The following ZNF655 variants were observed in gnomAD, a reference collection of about 807,000 sequenced individuals.
ZNF655 encodes zinc finger protein 655, also known as Vav-interacting Kruppel-like protein 1.
ZNF655 carries 3 observed loss-of-function variants against 6.6 expected under a neutral mutation model. That is an observed-to-expected ratio of 0.46 (90% CI 0.21 to 1.18). ZNF655 has a LOEUF of 1.18. ZNF655 is among the 50% of genes most tolerant of loss of function. The pLI, the probability that ZNF655 is intolerant of heterozygous loss-of-function variation, is 0.24. For missense variants in ZNF655, 526 were observed against 572.3 expected, an observed-to-expected ratio of 0.92 and a Z score of 0.83; for synonymous variants, 178 against 195.0, an observed-to-expected ratio of 0.91 and a Z score of 0.73.
rs1385043507 is a variant in ZNF655, at chr7:99,573,827, A to G, written c.*243A>G. The G allele has an allele frequency of 2.1e-6, 1 of 474,120 alleles. No homozygotes were observed. The highest frequency in any genetic ancestry group is 2.0e-5 in the African/African-American group (1 of 51,036). 29.4% of individuals were successfully genotyped at this position (474,120 alleles called of 1,614,324 possible). A position where few individuals can be genotyped will look rare whatever the true frequency, so the allele number is the denominator to read the frequency against. ...AATCTATACCAGTGAGAAATCTTAC[A>G]AATGTATTGAATGTGGCAAATTTTT... On this transcript the variant is annotated 3_prime_UTR_variant, in exon 3 of 3. Coordinates refer to ENST00000252713, the MANE Select transcript of ZNF655 (RefSeq NM_138494.3).
intron 1 of ZNF655, among the ~76,000 whole-genome samples, chr7:99,560,088 CTT>C (rs201559591): frequency 1.7e-4 from 23 of 136,818 alleles, no homozygotes; most frequent in South Asian, 7.0e-4. Flanking sequence ...TCTTTTTTTT[CTT>C]TTTTTTTTTT....
rs1382727454 is a variant in ZNF655 at position 99,572,298 on chromosome 7, G to A, written c.190G>A (p.Glu64Lys). The part of the protein sequence containing the change: ...KLLIPKQKIS[E>K]EVHSYKVRVG... Reference sequence around the variant, plus strand: ...GTTGATTCCTAAGCAGAAAATTTCGGAAGAAGTGCATTCATACAAAGTGAG... The same window carrying A: ...GTTGATTCCTAAGCAGAAAATTTCGAAAGAAGTGCATTCATACAAAGTGAG... Residue 64 changes from glutamate to lysine, a missense_variant, in exon 3 of 3, where the codon GAA becomes AAA. Coordinates refer to ENST00000252713, the MANE Select transcript of ZNF655 (RefSeq NM_138494.3). 1 of 1,612,130 alleles carries A rather than the reference G, an allele frequency of 6.2e-7. No homozygotes were observed.
At chr7:99,563,418 A>G (rs563093427) in intron 2 of ZNF655, among the ~76,000 whole-genome samples, 3 of 152,278 alleles carry the variant, frequency 2.0e-5, no homozygotes, top group Admixed American at 1.3e-4. Context: ...TTCCAGGTTC[A>G]AGCGATTCTC....
In ZNF655 at chr7:99,576,116, A is replaced by G. The variant is rs1804380990; in HGVS notation, c.*2532A>G. On this transcript the variant is annotated 3_prime_UTR_variant, in exon 3 of 3. Coordinates refer to ENST00000252713, the MANE Select transcript of ZNF655 (RefSeq NM_138494.3). ...ATAAAAATATGTTGCTCACTCTATA[A>G]TCCTCCTATGGCTAACCTCTAGGAT... is the stretch of plus-strand genomic sequence containing the variant. 6.6e-6 allele frequency: 1 copy of G among 152,276 alleles called. No individual in the cohort carries two copies. Among genetic ancestry groups the G allele is most frequent in the African/African-American group, 2.4e-5 (1 of 41,442 alleles). The allele number at this position is 152,276 out of a possible 1,614,324, so 9.4% of individuals were successfully genotyped here.
intron 2 of ZNF655, among the ~76,000 whole-genome samples, chr7:99,568,407 C>G (rs1026587511): frequency 1.3e-5 from 2 of 151,496 alleles, no homozygotes; most frequent in Non-Finnish European, 1.5e-5. Flanking sequence ...CCCGCCATCA[C>G]GCCCGGCTAA....
chr7:99,571,147 G>A (rs1804036433), intron 2 of ZNF655: 2 of 956,470 alleles, frequency 2.1e-6, no homozygotes, highest in Middle Eastern at 2.6e-4. Context: ...CACTCCTAAT[G>A]GGTAAGAATG....
intron 2 of ZNF655, 133 bp downstream of exon 2, chr7:99,560,828 G>A (rs1803086422): frequency 1.5e-5 from 17 of 1,139,290 alleles, no homozygotes; most frequent in Non-Finnish European, 2.1e-5. Context: ...GAATGAAAGA[G>A]GGGGCAGATG....
intron 2 of ZNF655, chr7:99,560,948 C>G: frequency 3.0e-6 from 1 of 337,570 alleles, no homozygotes; most frequent in Non-Finnish European, 5.4e-6. Flanking sequence ...CTTCAGGCAA[C>G]CTTCACTTCA....
chr7:99,558,783 C>T lies in ZNF655; in HGVS notation c.-32C>T, dbSNP rs1479260186. Reference sequence around the variant, plus strand: ...GGACAGCGGCCAGGCCCGCCCCTCCCCTCGGTGAGTACCCGGAAGCCGTTT... The same window carrying T: ...GGACAGCGGCCAGGCCCGCCCCTCCTCTCGGTGAGTACCCGGAAGCCGTTT... On this transcript the variant is annotated 5_prime_UTR_variant, in exon 1 of 3. Coordinates refer to ENST00000252713, the MANE Select transcript of ZNF655 (RefSeq NM_138494.3). 4 of 152,354 alleles carry T rather than the reference C, an allele frequency of 2.6e-5. No homozygotes were observed. Among genetic ancestry groups the T allele is most frequent in the African/African-American group, 4.8e-5 (2 of 41,454 alleles). The allele number at this position is 152,354 out of a possible 1,614,324, so 9.4% of individuals were successfully genotyped here. A position where few individuals can be genotyped will look rare whatever the true frequency, so the allele number is the denominator to read the frequency against.
At chr7:99,565,646 G>A (rs1354201524) in intron 2 of ZNF655, among the ~76,000 whole-genome samples, 3 of 152,138 alleles carry the variant, frequency 2.0e-5, no homozygotes, top group Non-Finnish European at 4.4e-5. Context: ...TGAACAATTT[G>A]CCTCTGGGTC....
chr7:99,566,901 GA>G (rs1347075812), intron 2 of ZNF655, among the ~76,000 whole-genome samples: 5 of 152,042 alleles, frequency 3.3e-5, no homozygotes, highest in Non-Finnish European at 7.4e-5. Flanking sequence ...AATTTTATTA[GA>G]AAACTCTCAA....
Position 99,573,463 on chromosome 7 carries a change from T to C in ZNF655, c.1355T>C (p.Ile452Thr). The change falls in exon 3 of 3, where the codon ATC becomes ACC. Residue 452 changes from isoleucine (I) to threonine (T), a missense_variant. By Grantham distance (89) the Ile-to-Thr change is moderately conservative. Transcript: ENST00000252713. Reference sequence around the variant, plus strand: ...AGTTTCAGTCATAGCTCAGATCTTATCCTGCAACAAGAAGTCCTCACCAGA... The same window carrying C: ...AGTTTCAGTCATAGCTCAGATCTTACCCTGCAACAAGAAGTCCTCACCAGA... The part of the protein sequence containing the change: ...EGSFSHSSDL[I>T]LQQEVLTRQK... 2 of 1,613,918 alleles carry C rather than the reference T, an allele frequency of 1.2e-6. No individual in the cohort carries two copies. The highest frequency in any genetic ancestry group is 1.1e-5 in the South Asian group (1 of 91,086).
intron 2 of ZNF655, chr7:99,571,705 C>G (rs1297590666): frequency 6.2e-7 from 1 of 1,609,032 alleles, no homozygotes; most frequent in Non-Finnish European, 8.5e-7. Flanking sequence ...AATTTCCAAG[C>G]CTGATGGGAT....
At chr7:99,567,561 G>A (rs1009641182) in intron 2 of ZNF655, among the ~76,000 whole-genome samples, 1 of 151,274 alleles carries the variant, frequency 6.6e-6, no homozygotes, top group Non-Finnish European at 1.5e-5. Flanking sequence ...TCACGTCAAT[G>A]TCAAGAGAAC....
chr7:99,564,021 G>A (rs140372800), intron 2 of ZNF655: 99 of 1,608,672 alleles, frequency 6.2e-5, no homozygotes, highest in Non-Finnish European at 7.8e-5. Context: ...CATCGATATT[G>A]CTCGTCCCTG....
intron 2 of ZNF655, 135 bp downstream of exon 2, chr7:99,560,830 G>T: frequency 9.0e-7 from 1 of 1,113,538 alleles, no homozygotes; most frequent in East Asian, 2.5e-5. Flanking sequence ...ATGAAAGAGG[G>T]GGCAGATGTG....
At chr7:99,563,045 C>G in intron 2 of ZNF655, 1 of 260,480 alleles carries the variant, frequency 3.8e-6, no homozygotes, top group Non-Finnish European at 8.4e-6. Context: ...GAAGGCATGA[C>G]TCACTGTGAG....
At chr7:99,561,250 G>A (rs761423899) in intron 2 of ZNF655, among the ~76,000 whole-genome samples, 11 of 152,200 alleles carry the variant, frequency 7.2e-5, no homozygotes, top group Non-Finnish European at 1.3e-4. Context: ...TTGCTGTATC[G>A]TATAGGTAGG....
Position 99,573,049 on chromosome 7 carries a change from G to A in ZNF655, c.941G>A (p.Arg314His), listed in dbSNP as rs755234889. ...AGCAGTTGTGAAAGAGTCTTCAGTC[G>A]TAGTGTCCACCTTACTCAACATCAG... ...KCSSCERVFS[R>H]SVHLTQHQKI... The change falls in exon 3 of 3, where the codon CGT (arginine) becomes CAT (histidine). Residue 314 changes from arginine to histidine, a missense_variant. By Grantham distance (29) the Arg-to-His change is conservative. Coordinates refer to ENST00000252713, the MANE Select transcript of ZNF655 (RefSeq NM_138494.3). The A allele has an allele frequency of 6.8e-5, 109 of 1,613,968 alleles. No individual in the cohort carries two copies. In the Middle Eastern group the frequency reaches 8.2e-4, roughly 12 times the overall value.
Sources: gnomAD v4.1 joint callset for allele counts (sites outside exome capture counted in the v4.1 genomes callset) on GRCh38, gnomAD v4.1.1 for gene constraint, MANE v1.5 for transcripts, NCBI Gene and HGNC (gene_info 2026-07-23, HGNC 2026-07-21) for gene names.